ELAVL2: variants seen among roughly 807,000 people sequenced by gnomAD.
ELAVL2 encodes the protein ELAV like RNA binding protein 2, also known as ELAV-like protein 2.
Under a neutral mutation model 34.6 loss-of-function variants are expected in ELAVL2, and 4 were observed. The observed-to-expected ratio is 0.12, with a 90% CI of 0.06 to 0.26. ELAVL2 has a LOEUF of 0.26. Ranked by LOEUF, ELAVL2 falls within the 10% of genes least tolerant of loss-of-function variation. ELAVL2 has a pLI of 1.00. For missense variants in ELAVL2, 432 were observed against 442.8 expected, an observed-to-expected ratio of 0.98 and a Z score of 0.22; for synonymous variants, 193 against 154.8, an observed-to-expected ratio of 1.25 and a Z score of -1.83.
chr9:23,747,814 A>C (rs1191744083), intron 2 of ELAVL2, among the ~76,000 whole-genome samples: 1 of 152,202 alleles, frequency 6.6e-6, no homozygotes, highest in Non-Finnish European at 1.5e-5. Flanking sequence ...AACGTCTGAA[A>C]ATAAATCCAG....
chr9:23,768,533 T>C (rs2056739944), intron 1 of ELAVL2, among the ~76,000 whole-genome samples: 1 of 152,038 alleles, frequency 6.6e-6, no homozygotes, highest in Non-Finnish European at 1.5e-5. Context: ...TGTTTTTCTA[T>C]CCCACCAAGT....
intron 1 of ELAVL2, among the ~76,000 whole-genome samples, chr9:23,786,565 A>G (rs1346148999): frequency 6.6e-6 from 1 of 152,150 alleles, no homozygotes; most frequent in African/African-American, 2.4e-5. Context: ...AAAGACAGTT[A>G]TCCCTTTCAA....
chr9:23,721,076 C>T (rs2043581415), intron 3 of ELAVL2, among the ~76,000 whole-genome samples: 1 of 152,198 alleles, frequency 6.6e-6, no homozygotes, highest in African/African-American at 2.4e-5. Context: ...ATGCCAAGCC[C>T]TTTTCCTTGC....
Position 23,692,725 on chromosome 9 carries a change from A to G in ELAVL2, c.912T>C (p.Asn304=), listed in dbSNP as rs2033587954. ...QMFGPFGAVT[N]VKVIRDFNTN... is the part of the protein sequence containing the mutation. Reference sequence around the variant, plus strand: ...TGTTAAAGTCACGGATGACCTTCACATTGGTGACAGCTCCAAAAGGCCCAA... The same window carrying G: ...TGTTAAAGTCACGGATGACCTTCACGTTGGTGACAGCTCCAAAAGGCCCAA... The change falls in exon 7 of 7, where the codon AAT becomes AAC. Residue 304 remains asparagine (N), a synonymous_variant. Coordinates refer to ENST00000397312, the MANE Select transcript of ELAVL2 (RefSeq NM_004432.5). 3.7e-6 allele frequency: 6 copies of G among 1,614,080 alleles called. No homozygotes were observed. The African/African-American group carries it at 6.7e-5, about 18-fold the overall frequency.
intron 1 of ELAVL2, among the ~76,000 whole-genome samples, chr9:23,801,705 A>G (rs1442231044): frequency 6.6e-6 from 1 of 152,254 alleles, no homozygotes; most frequent in Non-Finnish European, 1.5e-5. Flanking sequence ...CCAAACTAAA[A>G]TGCAGAAAAT....
rs540117106 is a variant in ELAVL2, at chr9:23,701,429, A to T, written c.663T>A (p.Ser221=). ...GCGGTCCTGGATACCTTCTGTTTGG[A>T]GACTGGTACAGCTGGGAAAGGATGG... ...NQAILSQLYQ[S]PNRRYPGPLA... is the part of the protein sequence containing the mutation. The change falls in exon 5 of 7, where the codon TCT becomes TCA. Residue 221 remains serine, a synonymous_variant. Coordinates refer to ENST00000397312, the MANE Select transcript of ELAVL2 (RefSeq NM_004432.5). 8.3e-5 allele frequency: 134 copies of T among 1,614,086 alleles called. No individual in the cohort carries two copies. In the African/African-American group the frequency reaches 1.6e-3, roughly 19 times the overall value.
chr9:23,778,467 T>C (rs965115376), intron 1 of ELAVL2, among the ~76,000 whole-genome samples: 3 of 152,214 alleles, frequency 2.0e-5, no homozygotes, highest in Admixed American at 6.5e-5. Context: ...TTTCGCTTAA[T>C]AAATAAAGTT....
intron 1 of ELAVL2, among the ~76,000 whole-genome samples, chr9:23,802,852 C>T (rs904775861): frequency 1.8e-4 from 28 of 151,806 alleles, no homozygotes; most frequent in African/African-American, 6.6e-4. Context: ...TAAAAATATA[C>T]ATATTCCTCA....
At position 23,787,335 on chromosome 9, in the gene ELAVL2, C is replaced by A. The variant is rs968295663; in HGVS notation, c.-15-25086G>T. Reference sequence around the variant, plus strand: ...AGTGCAATGGCATGATCTTAGCTCACTGCAAACTGCCTCAGCCTCCAGAGT... The same window carrying A: ...AGTGCAATGGCATGATCTTAGCTCAATGCAAACTGCCTCAGCCTCCAGAGT... On this transcript the variant is annotated intron_variant, in intron 1 of 6. Coordinates refer to ENST00000397312, the MANE Select transcript of ELAVL2 (RefSeq NM_004432.5). 9.2e-5 allele frequency among the ~76,000 whole-genome samples: 14 copies of A among 151,494 alleles called. No homozygotes were observed. The South Asian group carries it at 2.7e-3, about 29-fold the overall frequency.
At chr9:23,752,220 G>A (rs975238483) in intron 2 of ELAVL2, among the ~76,000 whole-genome samples, 3 of 152,114 alleles carry the variant, frequency 2.0e-5, no homozygotes, top group South Asian at 2.1e-4. Context: ...AGAAACTGAC[G>A]TTCAGAGTCA....
At chr9:23,809,979 T>G (rs184613011) in intron 1 of ELAVL2, among the ~76,000 whole-genome samples, 10 of 152,310 alleles carry the variant, frequency 6.6e-5, no homozygotes, top group African/African-American at 2.2e-4. Context: ...CCTGCCATTT[T>G]TTTCTCAGAA....
At chr9:23,841,719 C>G in the ELAVL2 span, among the ~76,000 whole-genome samples, 2 of 152,036 alleles carry the variant, frequency 1.3e-5, no homozygotes, top group Non-Finnish European at 2.9e-5. Context: ...CACTATGTAT[C>G]TATGTATAAA....
the ELAVL2 span, among the ~76,000 whole-genome samples, chr9:23,840,455 C>T: frequency 6.6e-6 from 1 of 152,172 alleles, no homozygotes. Context: ...GAGCAAAAAT[C>T]AGTACAGGTT....
At chr9:23,767,706 G>A (rs894105757) in intron 1 of ELAVL2, among the ~76,000 whole-genome samples, 2 of 152,174 alleles carry the variant, frequency 1.3e-5, no homozygotes, top group African/African-American at 2.4e-5. Flanking sequence ...CCAGGAGGGG[G>A]AGGTTGCAGT....
chr9:23,843,772 T>A, the ELAVL2 span, among the ~76,000 whole-genome samples: 1 of 152,052 alleles, frequency 6.6e-6, no homozygotes, highest in East Asian at 1.9e-4. Context: ...CAAGATACTT[T>A]TTTTTCTTTT....
intron 1 of ELAVL2, among the ~76,000 whole-genome samples, chr9:23,774,235 A>AG (rs1283655807): frequency 8.3e-5 from 11 of 132,338 alleles, no homozygotes; most frequent in East Asian, 2.2e-4. Flanking sequence ...AAAAAAAAAA[A>AG]AAAGAAAGAA....
At chr9:23,812,529 G>A (rs1465529633) in intron 1 of ELAVL2, among the ~76,000 whole-genome samples, 2 of 151,924 alleles carry the variant, frequency 1.3e-5, no homozygotes, top group Non-Finnish European at 2.9e-5. Context: ...CCACCCTGAG[G>A]TGCCGCAATG....
intron 2 of ELAVL2, among the ~76,000 whole-genome samples, chr9:23,739,982 C>A (rs566553961): frequency 5.9e-5 from 9 of 152,036 alleles, no homozygotes; most frequent in Non-Finnish European, 8.8e-5. Flanking sequence ...TTGTCAAGAA[C>A]GGGAAACTAT....
intron 2 of ELAVL2, among the ~76,000 whole-genome samples, chr9:23,753,430 A>C (rs916523096): frequency 1.2e-4 from 18 of 152,160 alleles, no homozygotes; most frequent in African/African-American, 4.3e-4. Flanking sequence ...AAAGTTAAAA[A>C]AAAAATAAAA....
Sources: gnomAD v4.1 joint callset for allele counts (sites outside exome capture counted in the v4.1 genomes callset) on GRCh38, gnomAD v4.1.1 for gene constraint, MANE v1.5 for transcripts, NCBI Gene and HGNC (gene_info 2026-07-23, HGNC 2026-07-21) for gene names.